The following BRINP3 variants were observed in gnomAD, a reference collection of about 807,000 sequenced individuals.
BRINP3 encodes the protein BMP/retinoic acid inducible neural specific 3, also known as BMP/retinoic acid-inducible neural-specific protein 3.
Under a neutral mutation model 71.0 loss-of-function variants are expected in BRINP3, and 19 were observed. The observed-to-expected ratio is 0.27, with a 90% CI of 0.19 to 0.39. The LOEUF is 0.39. Among genes scored for constraint, BRINP3 ranks in the 10% least tolerant of loss-of-function variants. The pLI is 1.00. For synonymous variants in BRINP3, 380 were observed against 337.7 expected (o/e 1.13, Z -1.37); for missense variants, 959 against 940.8 (o/e 1.02, Z -0.25).
At chr1:190,370,619 A>C (rs2102186723) in intron 2 of BRINP3, among the ~76,000 whole-genome samples, 1 of 152,366 alleles carries the variant, frequency 6.6e-6, no homozygotes, top group East Asian at 1.9e-4. Flanking sequence ...TGCGAAAAGT[A>C]GGTTAGAGGA....
At chr1:190,373,849 C>T (rs1251523625) in intron 2 of BRINP3, among the ~76,000 whole-genome samples, 1 of 151,124 alleles carries the variant, frequency 6.6e-6, no homozygotes, top group Non-Finnish European at 1.5e-5. Context: ...ACTGTGATTA[C>T]TTTTGCACCA....
intron 6 of BRINP3, among the ~76,000 whole-genome samples, chr1:190,199,462 A>G (rs1432880333): frequency 6.6e-6 from 1 of 152,088 alleles, no homozygotes; most frequent in Non-Finnish European, 1.5e-5. Flanking sequence ...AGACCAGAAC[A>G]TTTTACCTCC....
chr1:190,122,253 C>T (rs1275985313), intron 7 of BRINP3, among the ~76,000 whole-genome samples: 2 of 152,116 alleles, frequency 1.3e-5, no homozygotes, highest in Non-Finnish European at 2.9e-5. Flanking sequence ...CATTCACACA[C>T]TCACTGGATA....
At chr1:190,314,352 T>C (rs760838370) in intron 2 of BRINP3, among the ~76,000 whole-genome samples, 2 of 152,092 alleles carry the variant, frequency 1.3e-5, no homozygotes, top group Admixed American at 1.3e-4. Context: ...TTAGAATCCA[T>C]GAATGTCTTG....
intron 6 of BRINP3, among the ~76,000 whole-genome samples, chr1:190,173,259 T>C (rs906870331): frequency 3.3e-5 from 5 of 152,180 alleles, no homozygotes; most frequent in African/African-American, 1.2e-4. Flanking sequence ...GCATCTGGTG[T>C]ATACATAGCA....
chr1:190,224,907 A>G (rs1242199371), intron 6 of BRINP3, among the ~76,000 whole-genome samples: 3 of 152,076 alleles, frequency 2.0e-5, no homozygotes, highest in East Asian at 1.9e-4. Flanking sequence ...AATGCTCAAC[A>G]TCACTAATTA....
chr1:190,146,437 A>AT (rs1378681279), intron 7 of BRINP3, among the ~76,000 whole-genome samples: 3 of 152,084 alleles, frequency 2.0e-5, no homozygotes, highest in Non-Finnish European at 4.4e-5. Flanking sequence ...ACTTTGTAGC[A>AT]TTTTCCATAC....
intron 2 of BRINP3, among the ~76,000 whole-genome samples, chr1:190,287,170 G>C (rs1275275228): frequency 6.6e-6 from 1 of 152,120 alleles, no homozygotes; most frequent in Non-Finnish European, 1.5e-5. Flanking sequence ...AGGTTGCAGT[G>C]AGCCAAAATT....
At chr1:190,297,099 C>T (rs2102984392) in intron 2 of BRINP3, among the ~76,000 whole-genome samples, 1 of 151,618 alleles carries the variant, frequency 6.6e-6, no homozygotes, top group East Asian at 1.9e-4. Context: ...ATAGATGAAA[C>T]AATATTAAAA....
At chr1:190,255,453 A>T (rs547836270) in intron 4 of BRINP3, among the ~76,000 whole-genome samples, 19 of 152,150 alleles carry the variant, frequency 1.2e-4, no homozygotes, top group African/African-American at 3.9e-4. Context: ...TATTGTCTCA[A>T]TTTCAGAGCC....
intron 2 of BRINP3, among the ~76,000 whole-genome samples, chr1:190,311,408 A>G (rs937075717): frequency 6.6e-6 from 1 of 151,662 alleles, no homozygotes; most frequent in African/African-American, 2.4e-5. Context: ...GAAAGGCAGA[A>G]TGTAAGGAGA....
At chr1:190,185,312 A>G (rs1653414003) in intron 6 of BRINP3, among the ~76,000 whole-genome samples, 1 of 152,156 alleles carries the variant, frequency 6.6e-6, no homozygotes, top group Admixed American at 6.6e-5. Flanking sequence ...TATTTCTCCA[A>G]AGAAGAAATA....
chr1:190,319,348 T>C (rs1666088413), intron 2 of BRINP3, among the ~76,000 whole-genome samples: 1 of 152,156 alleles, frequency 6.6e-6, no homozygotes. Context: ...TTTTTCACAC[T>C]GTGTATTCCT....
chr1:190,117,888 T>C (rs1224907555), intron 7 of BRINP3, among the ~76,000 whole-genome samples: 9 of 152,144 alleles, frequency 5.9e-5, no homozygotes, highest in Non-Finnish European at 4.4e-5. Flanking sequence ...CATTGACTTT[T>C]TGTAGAAAGC....
intron 2 of BRINP3, among the ~76,000 whole-genome samples, chr1:190,428,597 T>C (rs1673881881): frequency 6.6e-6 from 1 of 152,092 alleles, no homozygotes; most frequent in South Asian, 2.1e-4. Flanking sequence ...AAATTATTCT[T>C]TCAATTACTT....
chr1:190,392,128 T>C (rs2102309517), intron 2 of BRINP3, among the ~76,000 whole-genome samples: 2 of 151,794 alleles, frequency 1.3e-5, no homozygotes, highest in South Asian at 4.1e-4. Context: ...GTGTGTCTGA[T>C]GATTAATACT....
chr1:190,442,889 T>C (rs1212141482), intron 2 of BRINP3, among the ~76,000 whole-genome samples: 2 of 151,148 alleles, frequency 1.3e-5, no homozygotes, highest in Admixed American at 1.3e-4. Context: ...TTTCAAATAT[T>C]GTGGAAGTCT....
At chr1:190,385,266 A>C (rs1356300625) in intron 2 of BRINP3, among the ~76,000 whole-genome samples, 1 of 152,182 alleles carries the variant, frequency 6.6e-6, no homozygotes, top group African/African-American at 2.4e-5. Context: ...TGCACAGCAA[A>C]AGAAACTACC....
chr1:190,235,717 A>G (rs1009522556), intron 4 of BRINP3, among the ~76,000 whole-genome samples: 19 of 151,902 alleles, frequency 1.3e-4, no homozygotes, highest in African/African-American at 4.6e-4. Context: ...CGAATCCTTC[A>G]CTTCCTTCAA....
Sources: allele counts gnomAD v4.1 joint callset (sites outside exome capture counted in the v4.1 genomes callset), GRCh38; gene constraint gnomAD v4.1.1; transcripts MANE v1.5; gene names NCBI Gene and HGNC (gene_info 2026-07-23, HGNC 2026-07-21).